The following ERBB4 variants were observed in gnomAD, a reference collection of about 807,000 sequenced individuals.
ERBB4 encodes the protein erb-b2 receptor tyrosine kinase 4, also known as receptor tyrosine-protein kinase erbB-4.
A neutral mutation model predicts 158.0 loss-of-function variants in ERBB4; 42 were observed. That is an observed-to-expected ratio of 0.27 (90% CI 0.21 to 0.34). The LOEUF (loss-of-function observed/expected upper bound fraction) is 0.34. Ranked by LOEUF, ERBB4 falls within the 10% of genes least tolerant of loss-of-function variation. ERBB4 has a pLI of 1.00. For synonymous variants in ERBB4, 583 were observed against 558.7 expected (o/e 1.04, Z -0.61); for missense variants, 1,333 against 1,624.1 (o/e 0.82, Z 3.08).
intron 3 of ERBB4, among the ~76,000 whole-genome samples, chr2:211,832,573 T>C (rs1180786637): frequency 6.6e-6 from 1 of 151,056 alleles, no homozygotes; most frequent in Non-Finnish European, 1.5e-5. Context: ...TATGTATGTG[T>C]GTGTGTATAT....
chr2:211,891,504 AG>A, intron 3 of ERBB4, among the ~76,000 whole-genome samples: 1 of 111,462 alleles, frequency 9.0e-6, no homozygotes, highest in Admixed American at 9.0e-5. Context: ...GAACTAGAAA[AG>A]CAAGAGCAAA....
intron 4 of ERBB4, among the ~76,000 whole-genome samples, chr2:211,772,093 C>T (rs10432444): frequency 0.15 from 22,313 of 152,126 alleles, 1,852 homozygotes; most frequent in South Asian, 0.33. Flanking sequence ...ATTGAGTTTA[C>T]TTACATCTAC....
chr2:211,628,214 AC>A (rs2069938782), intron 17 of ERBB4, among the ~76,000 whole-genome samples: 1 of 61,776 alleles, frequency 1.6e-5, no homozygotes, highest in Non-Finnish European at 6.3e-5. Context: ...CATGTGCACA[AC>A]GTGCAGGTTA....
chr2:211,392,582 A>G (rs2062822463), intron 25 of ERBB4, among the ~76,000 whole-genome samples: 2 of 151,006 alleles, frequency 1.3e-5, no homozygotes, highest in Non-Finnish European at 3.0e-5. Context: ...ACACACACAC[A>G]CACACACACA....
At chr2:211,522,119 A>G (rs549341748) in intron 20 of ERBB4, among the ~76,000 whole-genome samples, 45 of 152,318 alleles carry the variant, frequency 3.0e-4, no homozygotes, top group African/African-American at 1.0e-3. Context: ...ACTACCACAG[A>G]TAATGATTCC....
intron 20 of ERBB4, among the ~76,000 whole-genome samples, chr2:211,554,988 A>G (rs1046176897): frequency 6.6e-6 from 1 of 152,216 alleles, no homozygotes; most frequent in Non-Finnish European, 1.5e-5. Flanking sequence ...TATTAGCAAC[A>G]ACGATAAAAG....
chr2:211,925,889 A>T (rs901451761), intron 3 of ERBB4, among the ~76,000 whole-genome samples: 8 of 152,102 alleles, frequency 5.3e-5, no homozygotes, highest in Non-Finnish European at 1.2e-4. Context: ...TTGGAGGAAC[A>T]GATCACATAA....
intron 1 of ERBB4, among the ~76,000 whole-genome samples, chr2:212,362,013 A>C (rs2089705218): frequency 6.6e-6 from 1 of 151,718 alleles, no homozygotes; most frequent in Admixed American, 6.6e-5. Flanking sequence ...ACATTTTAAA[A>C]GTTTCACATA....
chr2:211,875,019 G>C (rs370489825), intron 3 of ERBB4, among the ~76,000 whole-genome samples: 1 of 6,504 alleles, frequency 1.5e-4, no homozygotes. Context: ...GCTTCAAATA[G>C]AAATGCAAAA....
intron 1 of ERBB4, among the ~76,000 whole-genome samples, chr2:212,235,311 C>A (rs1212489116): frequency 6.6e-6 from 1 of 152,100 alleles, no homozygotes; most frequent in Non-Finnish European, 1.5e-5. Flanking sequence ...TTTCTGAGGC[C>A]TATGTTCTGT....
At chr2:211,463,674 G>A (rs866816135) in intron 20 of ERBB4, among the ~76,000 whole-genome samples, 1 of 149,872 alleles carries the variant, frequency 6.7e-6, no homozygotes, top group Non-Finnish European at 1.5e-5. Flanking sequence ...TCAGATCTGG[G>A]TAAAATTCAG....
chr2:211,627,806 C>G (rs990482222), intron 17 of ERBB4, among the ~76,000 whole-genome samples: 5 of 152,158 alleles, frequency 3.3e-5, no homozygotes, highest in Non-Finnish European at 5.9e-5. Context: ...AATTCATAGT[C>G]TTCTGTAATT....
intron 12 of ERBB4, among the ~76,000 whole-genome samples, chr2:211,682,772 G>T (rs920459636): frequency 3.3e-5 from 5 of 151,972 alleles, no homozygotes; most frequent in Non-Finnish European, 5.9e-5. Context: ...TATATTTGAA[G>T]TCCATGTCTT....
rs548587099 is a variant in ERBB4 at position 211,996,988 on chromosome 2, T to C, written c.235-49372A>G. On this transcript the variant is annotated intron_variant, in intron 2 of 27. Transcript: ENST00000342788. Reference sequence around the variant, plus strand: ...AACCATCACGATGAGGACTAAAGGTTTGTGATACCTCTCTGGACTGCTTTT... The same window carrying C: ...AACCATCACGATGAGGACTAAAGGTCTGTGATACCTCTCTGGACTGCTTTT... Among the ~76,000 whole-genome samples, 5 of 152,300 alleles carry C rather than the reference T, an allele frequency of 3.3e-5. No individual in the cohort carries two copies. In the East Asian group the frequency reaches 5.8e-4, roughly 18 times the overall value.
chr2:211,568,405 G>A lies in ERBB4; in HGVS notation c.2302-6317C>T, dbSNP rs1419212704. Among the ~76,000 whole-genome samples the A allele has an allele frequency of 2.0e-5, 3 of 152,050 alleles. No individual in the cohort carries two copies. The East Asian group carries it at 5.8e-4, about 29-fold the overall frequency. On this transcript the variant is annotated intron_variant, in intron 19 of 27. Coordinates refer to ENST00000342788, the MANE Select transcript of ERBB4 (RefSeq NM_005235.3). ...GGAAGACATTTTTGTACAATAATAA[G>A]TGAGCAATACCATTTTTTTATATTC...
chr2:212,491,994 T>TA (rs1315163928), intron 1 of ERBB4, among the ~76,000 whole-genome samples: 3 of 151,454 alleles, frequency 2.0e-5, no homozygotes, highest in Non-Finnish European at 4.4e-5. Flanking sequence ...AATACTACTT[T>TA]AAAAAATACC....
At chr2:212,012,370 GGTCATTGTTTCTAA>G (rs1466716938) in intron 2 of ERBB4, among the ~76,000 whole-genome samples, 2 of 151,496 alleles carry the variant, frequency 1.3e-5, no homozygotes, top group East Asian at 3.9e-4. Context: ...GTACTGGGCT[GGTCATTGTTTCTAA>G]GCCTTTTCAG....
intron 20 of ERBB4, among the ~76,000 whole-genome samples, chr2:211,483,069 A>T (rs2065124528): frequency 6.6e-6 from 1 of 152,096 alleles, no homozygotes; most frequent in South Asian, 2.1e-4. Flanking sequence ...TGAAGCCAAA[A>T]CACAGGGATA....
At chr2:211,840,389 T>C (rs2077444585) in intron 3 of ERBB4, among the ~76,000 whole-genome samples, 1 of 152,048 alleles carries the variant, frequency 6.6e-6, no homozygotes, top group African/African-American at 2.4e-5. Context: ...CTTGAATATG[T>C]CTTTATTAGC....
Sources: allele counts gnomAD v4.1 joint callset (sites outside exome capture counted in the v4.1 genomes callset), GRCh38; gene constraint gnomAD v4.1.1; transcripts MANE v1.5; gene names NCBI Gene and HGNC (gene_info 2026-07-23, HGNC 2026-07-21).